PLCG1: variants seen among roughly 807,000 people sequenced by gnomAD.
The protein encoded by PLCG1 is 1-phosphatidylinositol 4,5-bisphosphate phosphodiesterase gamma-1.
PLCG1 carries 71 observed loss-of-function variants against 177.8 expected under a neutral mutation model. The ratio of observed to expected loss-of-function variants is 0.40; its 90% CI spans 0.33 to 0.49. The LOEUF (loss-of-function observed/expected upper bound fraction) is 0.49. PLCG1 is among the 20% of genes least tolerant of loss of function. The pLI, the probability that PLCG1 is intolerant of heterozygous loss-of-function variation, is 0.72. For missense variants in PLCG1, 1,281 were observed against 1,709.0 expected, an observed-to-expected ratio of 0.75 and a Z score of 4.42; for synonymous variants, 658 against 647.9, an observed-to-expected ratio of 1.02 and a Z score of -0.24.
intron 23 of PLCG1, among the ~76,000 whole-genome samples, chr20:41,169,885 C>CA (rs1311170964): frequency 6.6e-6 from 1 of 152,158 alleles, no homozygotes; most frequent in Non-Finnish European, 1.5e-5. Flanking sequence ...AAGCATGAGT[C>CA]AGAGCTGAGT....
In PLCG1 at chr20:41,153,568, G is replaced by A. The variant is rs1256205693; in HGVS notation, c.218-6038G>A. Among the ~76,000 whole-genome samples, 4 of 152,138 alleles carry A rather than the reference G, an allele frequency of 2.6e-5. No individual in the cohort carries two copies. Among genetic ancestry groups the A allele is most frequent in the East Asian group, 1.9e-4 (1 of 5,192 alleles). ...CTTGCCTCAGCCTTCTAAAGTGAGC[G>A]TATGCACTTTATAAAGGGAAAACCC... On this transcript the variant is annotated intron_variant, in intron 1 of 31. Transcript: ENST00000685551. The surrounding 1 kb of genome is among the most constrained non-coding windows in gnomAD (Gnocchi z 5.1).
chr20:41,161,944 C>T (rs967848459), intron 4 of PLCG1, among the ~76,000 whole-genome samples: 4 of 152,136 alleles, frequency 2.6e-5, no homozygotes, highest in African/African-American at 7.2e-5. Flanking sequence ...CATGCACCTC[C>T]TCCTTCCTCC....
In PLCG1 at chr20:41,172,179, G is replaced by A. The variant is rs1386789459; in HGVS notation, c.2809-14G>A. 6.2e-7 allele frequency: 1 copy of A among 1,602,966 alleles called. No homozygotes were observed. The highest frequency in any genetic ancestry group is 1.3e-5 in the African/African-American group (1 of 74,710). On this transcript the variant is annotated splice_polypyrimidine_tract_variant and intron_variant, in intron 24 of 31. Transcript: ENST00000685551. This position sits in a 1 kb window ranked among gnomAD's most constrained non-coding sequence, Gnocchi z 7.0. ...CTGTAGCCTGGGGCTACAGGGCCTTGTGTGTGTCACCAGCTCACTGAAGGG... is the reference window on the plus strand; with the variant it reads ...CTGTAGCCTGGGGCTACAGGGCCTTATGTGTGTCACCAGCTCACTGAAGGG...
In PLCG1 at chr20:41,159,782, G is replaced by A. The variant is rs776457651; in HGVS notation, c.370+24G>A. The A allele has an allele frequency of 9.9e-6, 16 of 1,614,022 alleles. No homozygotes were observed. Among genetic ancestry groups the A allele is most frequent in the Admixed American group, 1.7e-5 (1 of 60,004 alleles). Reference sequence around the variant, plus strand: ...AGGTGGGAGTTAAGGGGGTAGAGGAGGTAGAGGATAGTTAGGGGAATGCCT... The same window carrying A: ...AGGTGGGAGTTAAGGGGGTAGAGGAAGTAGAGGATAGTTAGGGGAATGCCT... On this transcript the variant is annotated intron_variant, in intron 2 of 31. Coordinates refer to ENST00000685551, the MANE Select transcript of PLCG1 (RefSeq NM_002660.3). This position sits in a 1 kb window ranked among gnomAD's most constrained non-coding sequence, Gnocchi z 6.0.
In PLCG1 at chr20:41,167,859, A is replaced by C; in HGVS notation, c.2309A>C (p.Asp770Ala). 1 of 1,612,866 alleles carries C rather than the reference A, an allele frequency of 6.2e-7. No individual in the cohort carries two copies. The highest frequency in any genetic ancestry group is 8.5e-7 in the Non-Finnish European group (1 of 1,178,968). The part of the protein sequence containing the change: ...ALEKIGTAEP[D>A]YGALYEGRNP... ...ATTGTGTCCTGTTTCCAGGAGCCTGACTACGGGGCCCTGTATGAGGGACGC... is the reference window on the plus strand; with the variant it reads ...ATTGTGTCCTGTTTCCAGGAGCCTGCCTACGGGGCCCTGTATGAGGGACGC... Residue 770 changes from aspartate to alanine, a missense_variant, in exon 20 of 32, where the codon GAC (aspartate) becomes GCC (alanine). By Grantham distance (126) the Asp-to-Ala change is moderately radical. Coordinates refer to ENST00000685551, the MANE Select transcript of PLCG1 (RefSeq NM_002660.3). This position sits in a 1 kb window ranked among gnomAD's most constrained non-coding sequence, Gnocchi z 4.4.
rs187805100 is a variant in PLCG1 at position 41,161,620 on chromosome 20, G to A, written c.513-832G>A. On this transcript the variant is annotated intron_variant, in intron 4 of 31. Coordinates refer to ENST00000685551, the MANE Select transcript of PLCG1 (RefSeq NM_002660.3). ...CCTATATAGAGCCAGCCCTCCCTCC[G>A]CAGTGCTTGATCCACTCAGTGTGGC... is the stretch of plus-strand genomic sequence containing the variant. 5.6e-4 allele frequency among the ~76,000 whole-genome samples: 85 copies of A among 152,210 alleles called. 1 individual carries two copies. Among genetic ancestry groups the A allele is most frequent in the East Asian group, 4.8e-3 (25 of 5,158 alleles).
Position 41,173,268 on chromosome 20 carries a change from C to G in PLCG1, c.3280-152C>G, listed in dbSNP as rs542861111. ...GCAGCTGCTCTGGACAGCTTAGGGT[C>G]CCTGATGTCGTGAGGGACTCCATGG... is the stretch of plus-strand genomic sequence containing the variant. On this transcript the variant is annotated intron_variant, in intron 27 of 31. Coordinates refer to ENST00000685551, the MANE Select transcript of PLCG1 (RefSeq NM_002660.3). This position sits in a 1 kb window ranked among gnomAD's most constrained non-coding sequence, Gnocchi z 6.2. 11 of 771,574 alleles carry G rather than the reference C, an allele frequency of 1.4e-5. No individual in the cohort carries two copies. The East Asian group carries it at 3.0e-4, about 21-fold the overall frequency. The allele number at this position is 771,574 out of a possible 1,614,324, so 47.8% of individuals were successfully genotyped here. A position where few individuals can be genotyped will look rare whatever the true frequency, so the allele number is the denominator to read the frequency against.
In PLCG1 at chr20:41,169,142, G is replaced by T. The variant is rs2035807705; in HGVS notation, c.2547G>T (p.Met849Ile). The T allele has an allele frequency of 1.9e-6, 3 of 1,613,718 alleles. No individual in the cohort carries two copies. Among genetic ancestry groups the T allele is most frequent in the Middle Eastern group, 1.6e-4 (1 of 6,084 alleles). ...LWFPSNYVEEMVNPVALEPER... is the reference protein window; with the variant it reads ...LWFPSNYVEEIVNPVALEPER... ...TCCCATCAAACTACGTGGAAGAGATGGTCAACCCCGTGGCCCTGGAGCCGG... is the reference window on the plus strand; with the variant it reads ...TCCCATCAAACTACGTGGAAGAGATTGTCAACCCCGTGGCCCTGGAGCCGG... The change falls in exon 22 of 32, where the codon ATG becomes ATT. Residue 849 changes from methionine to isoleucine, a missense_variant. By Grantham distance (10) the Met-to-Ile change is conservative. Coordinates refer to ENST00000685551, the MANE Select transcript of PLCG1 (RefSeq NM_002660.3).
rs146160873 is a variant in PLCG1 at position 41,174,139 on chromosome 20, C to G, written c.3661C>G (p.Leu1221Val). 14 of 1,613,642 alleles carry G rather than the reference C, an allele frequency of 8.7e-6. No homozygotes were observed. Among genetic ancestry groups the G allele is most frequent in the Non-Finnish European group, 1.1e-5 (13 of 1,179,706 alleles). ...IFPAKQENGD[L>V]SPFSGTSLRE... ...TTCGTTGAAGCAGGAGAATGGTGAC[C>G]TCAGTCCCTTCAGTGGTACGTCCCT... Residue 1221 changes from leucine (L) to valine (V), a missense_variant, in exon 31 of 32, where the codon CTC becomes GTC. This residue lies in a region of PLCG1 where 153 missense variants were observed against 153.2 expected (regional missense o/e 1.00). Coordinates refer to ENST00000685551, the MANE Select transcript of PLCG1 (RefSeq NM_002660.3). The surrounding 1 kb of genome is among the most constrained non-coding windows in gnomAD (Gnocchi z 5.8).
Position 41,172,336 on chromosome 20 carries a change from G to A in PLCG1, c.2905+47G>A, listed in dbSNP as rs769231171. Reference sequence around the variant, plus strand: ...GGGTGTGCATGTGCCTGGAGGGCCTGGTGGGTGCAAAAAGAGTATTTAGGT... The same window carrying A: ...GGGTGTGCATGTGCCTGGAGGGCCTAGTGGGTGCAAAAAGAGTATTTAGGT... On this transcript the variant is annotated intron_variant, in intron 25 of 31. Coordinates refer to ENST00000685551, the MANE Select transcript of PLCG1 (RefSeq NM_002660.3). This position sits in a 1 kb window ranked among gnomAD's most constrained non-coding sequence, Gnocchi z 7.0. The A allele has an allele frequency of 3.2e-6, 5 of 1,579,606 alleles. No individual in the cohort carries two copies. In the African/African-American group the frequency reaches 5.4e-5, roughly 17 times the overall value.
At position 41,159,552 on chromosome 20, in the gene PLCG1, G is replaced by T. The variant is rs1452149332; in HGVS notation, c.218-54G>T. 3.1e-6 allele frequency: 5 copies of T among 1,591,338 alleles called. No homozygotes were observed. Among genetic ancestry groups the T allele is most frequent in the Non-Finnish European group, 4.3e-6 (5 of 1,165,922 alleles). On this transcript the variant is annotated intron_variant, in intron 1 of 31. Coordinates refer to ENST00000685551, the MANE Select transcript of PLCG1 (RefSeq NM_002660.3). The surrounding 1 kb of genome is among the most constrained non-coding windows in gnomAD (Gnocchi z 6.0). ...AGGAAACCAGGCTGCCCTCCTTTCGGTGTTGACTCTGGGAGACCCCAGCTT... is the reference window on the plus strand; with the variant it reads ...AGGAAACCAGGCTGCCCTCCTTTCGTTGTTGACTCTGGGAGACCCCAGCTT...
At chr20:41,138,017 T>C in intron 1 of PLCG1, 159 bp downstream of exon 1, 1 of 442,834 alleles carries the variant, frequency 2.3e-6, no homozygotes, top group Non-Finnish European at 3.7e-6. Context: ...TCTCGGGTGG[T>C]CACTGGGGGC....
chr20:41,162,539 A>G lies in PLCG1; in HGVS notation c.597+3A>G, dbSNP rs1385472476. 6.2e-7 allele frequency: 1 copy of G among 1,613,220 alleles called. No homozygotes were observed. The highest frequency in any genetic ancestry group is 1.1e-5 in the South Asian group (1 of 91,032). On this transcript the variant is annotated splice_donor_region_variant and intron_variant, in intron 5 of 31. Transcript: ENST00000685551. The stretch of plus-strand genomic sequence containing the variant: ...GCTTCCTCCGAGAGCGGCTGACGGT[A>G]AGTGCCACCCAGGGCTGTCTGTAGA...
Position 41,147,790 on chromosome 20 carries a change from G to T in PLCG1, c.217+9932G>T, listed in dbSNP as rs995095083. 6.6e-6 allele frequency among the ~76,000 whole-genome samples: 1 copy of T among 152,154 alleles called. No individual in the cohort carries two copies. The highest frequency in any genetic ancestry group is 1.9e-4 in the East Asian group (1 of 5,172). On this transcript the variant is annotated intron_variant, in intron 1 of 31. Coordinates refer to ENST00000685551, the MANE Select transcript of PLCG1 (RefSeq NM_002660.3). The surrounding 1 kb of genome is among the most constrained non-coding windows in gnomAD (Gnocchi z 4.0). ...TTGAACCCGGGAGGCAGAGGTTGCA[G>T]TGAGCCAAGATCGCGCCATTGCACT...
At position 41,173,335 on chromosome 20, in the gene PLCG1, T is replaced by G. The variant is rs2035961740; in HGVS notation, c.3280-85T>G. Reference sequence around the variant, plus strand: ...CCAGCAGAGGGCGCGCTGCCTCCACTCCACAGATGCTGACTGAGCCTCCGC... The same window carrying G: ...CCAGCAGAGGGCGCGCTGCCTCCACGCCACAGATGCTGACTGAGCCTCCGC... On this transcript the variant is annotated intron_variant, in intron 27 of 31. Coordinates refer to ENST00000685551, the MANE Select transcript of PLCG1 (RefSeq NM_002660.3). The surrounding 1 kb of genome is among the most constrained non-coding windows in gnomAD (Gnocchi z 6.2). The G allele has an allele frequency of 1.4e-6, 2 of 1,408,726 alleles. No individual in the cohort carries two copies. Among genetic ancestry groups the G allele is most frequent in the Admixed American group, 2.7e-5 (1 of 37,418 alleles). 87.3% of individuals were successfully genotyped at this position (1,408,726 alleles called of 1,614,324 possible).
rs1212450067 is a variant in PLCG1 at position 41,148,823 on chromosome 20, TC to T, written c.218-10781del. Among the ~76,000 whole-genome samples, 4 of 152,168 alleles carry T rather than the reference TC, an allele frequency of 2.6e-5. No homozygotes were observed. Among genetic ancestry groups the T allele is most frequent in the Non-Finnish European group, 4.4e-5 (3 of 68,016 alleles). On this transcript the variant is annotated intron_variant, in intron 1 of 31. Transcript: ENST00000685551. The surrounding 1 kb of genome is among the most constrained non-coding windows in gnomAD (Gnocchi z 4.3). ...TCTGTGCTGGCCCTGCTTGGCCACT[TC>T]CAACAAGGATTCTGAGGCATTACAG...
Position 41,174,301 on chromosome 20 carries a change from C to A in PLCG1, c.3823C>A (p.Arg1275=). The part of the protein sequence containing the change: ...QEHLADHFDS[R]ERRAPRRTRV... Reference sequence around the variant, plus strand: ...GCATCTCGCAGACCATTTTGACAGTCGAGAACGAAGGTGAGGAAGATGGAG... The same window carrying A: ...GCATCTCGCAGACCATTTTGACAGTAGAGAACGAAGGTGAGGAAGATGGAG... The change falls in exon 31 of 32, where the codon CGA becomes AGA. Residue 1275 remains arginine (R), a synonymous_variant. Coordinates refer to ENST00000685551, the MANE Select transcript of PLCG1 (RefSeq NM_002660.3). This position sits in a 1 kb window ranked among gnomAD's most constrained non-coding sequence, Gnocchi z 5.8. 1 of 1,613,600 alleles carries A rather than the reference C, an allele frequency of 6.2e-7. No individual in the cohort carries two copies. The highest frequency in any genetic ancestry group is 1.1e-5 in the South Asian group (1 of 91,046).
chr20:41,165,845 A>G lies in PLCG1; in HGVS notation c.1799+19A>G. The G allele has an allele frequency of 6.4e-7, 1 of 1,554,570 alleles. No individual in the cohort carries two copies. Among genetic ancestry groups the G allele is most frequent in the South Asian group, 1.2e-5 (1 of 84,410 alleles). ...CTTTCTGGTAACACTTCCCATGCAGATGCGTATGTTCAGTCAGCGTGTGTA... is the reference window on the plus strand; with the variant it reads ...CTTTCTGGTAACACTTCCCATGCAGGTGCGTATGTTCAGTCAGCGTGTGTA... On this transcript the variant is annotated intron_variant, in intron 16 of 31. Transcript: ENST00000685551. The surrounding 1 kb of genome is among the most constrained non-coding windows in gnomAD (Gnocchi z 6.6).
intron 1 of PLCG1, among the ~76,000 whole-genome samples, chr20:41,140,118 G>T (rs989286434): frequency 6.6e-6 from 1 of 152,188 alleles, no homozygotes; most frequent in Non-Finnish European, 1.5e-5. Context: ...AGGTGGGTCA[G>T]CCAGAGGTGT....
Sources: gnomAD v4.1 joint callset for allele counts (sites outside exome capture counted in the v4.1 genomes callset) on GRCh38, gnomAD v4.1.1 for gene constraint, gnomAD v4.1.1 regional missense constraint, Gnocchi (gnomAD v3.1) non-coding constraint, MANE v1.5 for transcripts, NCBI Gene and HGNC (gene_info 2026-07-23, HGNC 2026-07-21) for gene names.